The following MYLK4 variants were observed in gnomAD, a reference collection of about 807,000 sequenced individuals.
MYLK4 encodes the protein caMLCK like.
MYLK4 carries 46 observed loss-of-function variants against 48.1 expected under a neutral mutation model. The observed-to-expected ratio is 0.96, with a 90% confidence interval of 0.75 to 1.22. The LOEUF (loss-of-function observed/expected upper bound fraction) is 1.22, where lower values mean the gene tolerates loss of function less well. Ranked by LOEUF, MYLK4 falls within the 50% of genes most tolerant of loss-of-function variation. The pLI is 0.00. For missense variants in MYLK4, 451 were observed against 486.1 expected, an observed-to-expected ratio of 0.93 and a Z score of 0.68; for synonymous variants, 170 against 180.8, an observed-to-expected ratio of 0.94 and a Z score of 0.48.
the MYLK4 span, among the ~76,000 whole-genome samples, chr6:2,762,803 G>C: frequency 3.3e-5 from 5 of 152,242 alleles, 1 homozygote; most frequent in East Asian, 1.9e-4. Context: ...AGACCTTCCC[G>C]GAGACCGTTA....
intron 2 of MYLK4, among the ~76,000 whole-genome samples, chr6:2,696,868 C>T (rs1461404742): frequency 1.3e-5 from 2 of 151,984 alleles, no homozygotes; most frequent in African/African-American, 2.4e-5. Context: ...GAGACCAGCC[C>T]GGCCAACATA....
chr6:2,670,031 T>G (rs1404529170), intron 12 of MYLK4, among the ~76,000 whole-genome samples: 1 of 152,098 alleles, frequency 6.6e-6, no homozygotes, highest in Non-Finnish European at 1.5e-5. Context: ...CAAAAAGACA[T>G]GCAAAAACCT....
chr6:2,764,339 C>T, the MYLK4 span, among the ~76,000 whole-genome samples: 7 of 152,238 alleles, frequency 4.6e-5, no homozygotes, highest in East Asian at 1.4e-3. Context: ...GGGTCCCGGG[C>T]GCCCAGGAGT....
At chr6:2,725,577 A>AAGAAAGAAAG (rs748564605) in intron 2 of MYLK4, among the ~76,000 whole-genome samples, 2,632 of 128,958 alleles carry the variant, frequency 0.02, 36 homozygotes, top group African/African-American at 0.029. Flanking sequence ...GAAAGAAAGA[A>AAGAAAGAAAG]AAAGAAAGAG....
the MYLK4 span, chr6:2,766,573 T>C: frequency 5.8e-6 from 8 of 1,382,248 alleles, no homozygotes; most frequent in Non-Finnish European, 7.5e-6. Context: ...GGTGCAGACT[T>C]GGGCTGGGCT....
chr6:2,683,171 G>A lies in MYLK4; in HGVS notation c.546-9C>T. Reference sequence around the variant, plus strand: ...GCTCCCCACCATCCACACTGCAGAGGGAAGAGGACTGAAACCCTCAGTCCC... The same window carrying A: ...GCTCCCCACCATCCACACTGCAGAGAGAAGAGGACTGAAACCCTCAGTCCC... On this transcript the variant is annotated splice_polypyrimidine_tract_variant and intron_variant, in intron 6 of 12. Transcript: ENST00000274643. 6.2e-7 allele frequency: 1 copy of A among 1,614,016 alleles called. No homozygotes were observed. The highest frequency in any genetic ancestry group is 2.2e-5 in the East Asian group (1 of 44,886).
chr6:2,708,802 C>G (rs751860765), intron 2 of MYLK4, among the ~76,000 whole-genome samples: 3 of 152,086 alleles, frequency 2.0e-5, no homozygotes, highest in Non-Finnish European at 4.4e-5. Context: ...TTTGCGTCTC[C>G]GTATATTCTC....
At chr6:2,693,913 A>G (rs1761915407) in intron 2 of MYLK4, among the ~76,000 whole-genome samples, 1 of 152,046 alleles carries the variant, frequency 6.6e-6, no homozygotes, top group Non-Finnish European at 1.5e-5. Context: ...ATGTACCACC[A>G]TGCCTGGCTA....
intron 2 of MYLK4, among the ~76,000 whole-genome samples, chr6:2,731,511 T>C (rs1763479514): frequency 6.6e-6 from 1 of 152,188 alleles, no homozygotes; most frequent in Non-Finnish European, 1.5e-5. Context: ...GTCCCTGCTA[T>C]CCTTCAGGTG....
the MYLK4 span, among the ~76,000 whole-genome samples, chr6:2,765,182 A>AC: frequency 0.12 from 8,515 of 72,326 alleles, 1,241 homozygotes; most frequent in East Asian, 0.17. Flanking sequence ...TCGCCTCGCA[A>AC]CCCCCCCCCC....
the MYLK4 span, among the ~76,000 whole-genome samples, chr6:2,764,957 C>A: frequency 6.6e-6 from 1 of 152,190 alleles, no homozygotes; most frequent in Non-Finnish European, 1.5e-5. Context: ...GGTTTTTTCC[C>A]CCATTTCCCT....
At chr6:2,765,955 C>T in the MYLK4 span, 14 of 1,431,650 alleles carry the variant, frequency 9.8e-6, no homozygotes, top group South Asian at 8.3e-5. Context: ...GCGAGAGCTA[C>T]GACGCGCCGC....
At chr6:2,768,090 C>T in the MYLK4 span, among the ~76,000 whole-genome samples, 24 of 152,194 alleles carry the variant, frequency 1.6e-4, no homozygotes, top group African/African-American at 4.8e-4. Context: ...TTACCTGGGT[C>T]TCCTTGGTTT....
the MYLK4 span, among the ~76,000 whole-genome samples, chr6:2,762,537 G>T: frequency 2.0e-5 from 3 of 152,192 alleles, no homozygotes; most frequent in Non-Finnish European, 4.4e-5. Flanking sequence ...TCAGTGTACT[G>T]TATTTCCACA....
chr6:2,680,865 G>T (rs1761273955), intron 7 of MYLK4, among the ~76,000 whole-genome samples: 1 of 152,108 alleles, frequency 6.6e-6, no homozygotes, highest in African/African-American at 2.4e-5. Context: ...CCAAGGTTTT[G>T]CTGAGTTTGG....
chr6:2,707,307 T>C (rs1762527936), intron 2 of MYLK4, among the ~76,000 whole-genome samples: 1 of 152,248 alleles, frequency 6.6e-6, no homozygotes, highest in African/African-American at 2.4e-5. Context: ...TACTTGAATT[T>C]CACATTTAAT....
rs1341230391 is a variant in MYLK4 at position 2,678,309 on chromosome 6, G to T, written c.951C>A (p.Ala317=). The change falls in exon 10 of 13, where the codon GCC becomes GCA. Residue 317 remains alanine, a synonymous_variant. Transcript: ENST00000274643. ...NDAETLNNIL[A]CRWDLEDEEF... ...CTTCATCCTCTAAGTCCCACCTGCA[G>T]GCCAGGATGTTGTTCAGCGTCTCAG... The T allele has an allele frequency of 1.2e-6, 2 of 1,613,922 alleles. No individual in the cohort carries two copies. The highest frequency in any genetic ancestry group is 2.7e-5 in the African/African-American group (2 of 74,860).
At chr6:2,731,737 G>A (rs4959210) in intron 2 of MYLK4, among the ~76,000 whole-genome samples, 65,670 of 151,998 alleles carry the variant, frequency 0.43, 14,889 homozygotes, top group East Asian at 0.55. Context: ...ACACCCACCC[G>A]TTGGGTGCTT....
chr6:2,725,579 A>G (rs12195186), intron 2 of MYLK4, among the ~76,000 whole-genome samples: 1,628 of 106,356 alleles, frequency 0.015, 23 homozygotes, highest in Non-Finnish European at 0.021. Flanking sequence ...AAGAAAGAAA[A>G]AGAAAGAGAA....
Sources: gnomAD v4.1 joint callset for allele counts (sites outside exome capture counted in the v4.1 genomes callset) on GRCh38, gnomAD v4.1.1 for gene constraint, MANE v1.5 for transcripts, NCBI Gene and HGNC (gene_info 2026-07-23, HGNC 2026-07-21) for gene names.